The following FRAS1 variants were observed in gnomAD, a reference collection of about 807,000 sequenced individuals.
FRAS1 encodes the protein extracellular matrix organizing protein FRAS1.
In FRAS1, 290 loss-of-function variants were observed where a neutral mutation model predicts 435.2. The ratio of observed to expected loss-of-function variants is 0.67; its 90% CI spans 0.61 to 0.73. The LOEUF is 0.73. Ranked by LOEUF, FRAS1 falls within the 30% of genes least tolerant of loss-of-function variation. The pLI, the probability that FRAS1 is intolerant of heterozygous loss-of-function variation, is 0.00. For missense variants in FRAS1, 4,860 were observed against 5,001.5 expected, an observed-to-expected ratio of 0.97 and a Z score of 0.85; for synonymous variants, 1,800 against 1,851.0, an observed-to-expected ratio of 0.97 and a Z score of 0.71.
At chr4:78,287,219 C>T (rs1419753210) in intron 14 of FRAS1, among the ~76,000 whole-genome samples, 1 of 152,112 alleles carries the variant, frequency 6.6e-6, no homozygotes, top group Admixed American at 6.5e-5. Context: ...CTCATGAGAA[C>T]TCACTCACTA....
chr4:78,254,860 G>A (rs1725714354), intron 5 of FRAS1, among the ~76,000 whole-genome samples: 1 of 152,138 alleles, frequency 6.6e-6, no homozygotes, highest in Admixed American at 6.5e-5. Context: ...AATGAAGGGT[G>A]GGAGGATACC....
At chr4:78,207,254 A>G (rs1231738985) in intron 2 of FRAS1, among the ~76,000 whole-genome samples, 1 of 152,168 alleles carries the variant, frequency 6.6e-6, no homozygotes, top group Non-Finnish European at 1.5e-5. Flanking sequence ...TCTTTTGGAG[A>G]CTAATCCAAG....
chr4:78,487,096 G>A (rs1332951084), intron 58 of FRAS1, among the ~76,000 whole-genome samples: 1 of 152,138 alleles, frequency 6.6e-6, no homozygotes. Flanking sequence ...CTGGCAACAA[G>A]CTTCCTTCTT....
intron 19 of FRAS1, among the ~76,000 whole-genome samples, chr4:78,334,597 G>T (rs565795347): frequency 6.6e-6 from 1 of 151,538 alleles, no homozygotes; most frequent in Non-Finnish European, 1.5e-5. Flanking sequence ...TCGTGATCTC[G>T]TGACCTCGTG....
At chr4:78,118,224 G>T (rs186871616) in intron 2 of FRAS1, among the ~76,000 whole-genome samples, 3 of 152,312 alleles carry the variant, frequency 2.0e-5, no homozygotes, top group Non-Finnish European at 4.4e-5. Flanking sequence ...GCCATGTGAG[G>T]TGTCAGTCTG....
chr4:78,464,341 T>A, intron 48 of FRAS1, 102 bp from the exon 49 acceptor site: 1 of 1,511,272 alleles, frequency 6.6e-7, no homozygotes, highest in Non-Finnish European at 9.1e-7. Flanking sequence ...TATTGACTTG[T>A]GCAAGCAATG....
At chr4:78,302,290 A>G (rs1442117909) in intron 14 of FRAS1, among the ~76,000 whole-genome samples, 1 of 151,706 alleles carries the variant, frequency 6.6e-6, no homozygotes, top group Non-Finnish European at 1.5e-5. Context: ...AGTCTTTGCT[A>G]TTATGAATAA....
intron 47 of FRAS1, among the ~76,000 whole-genome samples, chr4:78,458,911 G>A (rs542253948): frequency 6.6e-6 from 1 of 152,170 alleles, no homozygotes; most frequent in Non-Finnish European, 1.5e-5. Context: ...CTCATATAGA[G>A]CAGAAAGAAA....
intron 9 of FRAS1, among the ~76,000 whole-genome samples, chr4:78,277,116 G>A (rs539399825): frequency 2.0e-5 from 3 of 152,240 alleles, no homozygotes; most frequent in African/African-American, 4.8e-5. Flanking sequence ...CTCCGAGCCA[G>A]GCGTGGGATA....
At chr4:78,145,582 A>G (rs2110004234) in intron 2 of FRAS1, among the ~76,000 whole-genome samples, 1 of 152,318 alleles carries the variant, frequency 6.6e-6, no homozygotes, top group East Asian at 1.9e-4. Context: ...CTCGGAATGC[A>G]CACTGTGGCT....
chr4:78,443,835 T>C (rs1385079645), intron 41 of FRAS1, among the ~76,000 whole-genome samples: 1 of 152,228 alleles, frequency 6.6e-6, no homozygotes, highest in Non-Finnish European at 1.5e-5. Flanking sequence ...TTTTTAGGCA[T>C]CATTTACTTT....
rs1483535739 is a variant in FRAS1 at position 78,245,344 on chromosome 4, A to G, written c.309+19A>G. Reference sequence around the variant, plus strand: ...CCATGAGGTAAGTGTTTTCTGACTCACGGTTGATTCTGTGTCTGCAGATCT... The same window carrying G: ...CCATGAGGTAAGTGTTTTCTGACTCGCGGTTGATTCTGTGTCTGCAGATCT... On this transcript the variant is annotated intron_variant, in intron 4 of 73. Transcript: ENST00000512123. The G allele has an allele frequency of 1.3e-6, 2 of 1,503,158 alleles. No individual in the cohort carries two copies. Among genetic ancestry groups the G allele is most frequent in the Non-Finnish European group, 1.8e-6 (2 of 1,090,128 alleles). 93.1% of individuals were successfully genotyped at this position (1,503,158 alleles called of 1,614,324 possible).
At position 78,372,831 on chromosome 4, in the gene FRAS1, T is replaced by C; in HGVS notation, c.2983T>C (p.Phe995Leu). The change falls in exon 24 of 74, where the codon TTT becomes CTT. Residue 995 changes from phenylalanine to leucine, a missense_variant. Coordinates refer to ENST00000512123, the MANE Select transcript of FRAS1 (RefSeq NM_025074.7). ...CTGCGTGGAGCAGTGCTTGTCATCA[T>C]TTTACCAGGACTCGGGCCTCTGCAA... ...GACVEQCLSS[F>L]YQDSGLCKNC... The C allele has an allele frequency of 1.9e-6, 3 of 1,612,854 alleles. No individual in the cohort carries two copies. The highest frequency in any genetic ancestry group is 2.5e-6 in the Non-Finnish European group (3 of 1,179,656).
At chr4:78,128,285 G>A (rs1447852024) in intron 2 of FRAS1, among the ~76,000 whole-genome samples, 1 of 152,116 alleles carries the variant, frequency 6.6e-6, no homozygotes, top group Non-Finnish European at 1.5e-5. Flanking sequence ...GGATTGCTGG[G>A]TCAAATGGTA....
chr4:78,065,058 G>GTATATATATATA (rs34023994), intron 1 of FRAS1, among the ~76,000 whole-genome samples: 1 of 119,888 alleles, frequency 8.3e-6, no homozygotes, highest in African/African-American at 3.2e-5. Context: ...GTTTTATAGT[G>GTATATATATATA]TATATATATA....
intron 22 of FRAS1, 28 bp from the exon 23 acceptor site, chr4:78,369,810 T>G: frequency 6.3e-7 from 1 of 1,596,790 alleles, no homozygotes; most frequent in Non-Finnish European, 8.5e-7. Context: ...TGTAATCATC[T>G]GGTCATTTTC....
At chr4:78,151,496 A>G (rs1461882287) in intron 2 of FRAS1, among the ~76,000 whole-genome samples, 1 of 152,142 alleles carries the variant, frequency 6.6e-6, no homozygotes, top group East Asian at 1.9e-4. Context: ...CTATCCACAA[A>G]ATATGTTGTC....
At chr4:78,445,775 G>A in intron 42 of FRAS1, 63 bp downstream of exon 42, 1 of 1,553,958 alleles carries the variant, frequency 6.4e-7, no homozygotes, top group Non-Finnish European at 8.7e-7. Context: ...CCATTAGAGA[G>A]CTTTCTTTAT....
intron 2 of FRAS1, among the ~76,000 whole-genome samples, chr4:78,082,129 C>T (rs957231083): frequency 6.6e-6 from 1 of 152,108 alleles, no homozygotes; most frequent in African/African-American, 2.4e-5. Flanking sequence ...TAGGATAGAA[C>T]TATGACGTCC....
Sources: gnomAD v4.1 joint callset for allele counts (sites outside exome capture counted in the v4.1 genomes callset) on GRCh38, gnomAD v4.1.1 for gene constraint, MANE v1.5 for transcripts, NCBI Gene and HGNC (gene_info 2026-07-23, HGNC 2026-07-21) for gene names.